The following OR51B5 variants were observed in gnomAD, a reference collection of about 807,000 sequenced individuals.
OR51B5 encodes the protein olfactory receptor family 51 subfamily B member 5.
For missense variants in OR51B5, 456 were observed against 374.6 expected, an observed-to-expected ratio of 1.22 and a Z score of -1.79; for synonymous variants, 186 against 144.8, an observed-to-expected ratio of 1.28 and a Z score of -2.04.
rs1377339404 is a variant in OR51B5 at position 5,373,098 on chromosome 11, G to T, written n.85-26188C>A. On this transcript the variant is annotated intron_variant and non_coding_transcript_variant, in intron 1 of 4. Transcript: ENST00000415970. ...TAGTCTCCTCAACAAATAGTGTTGG[G>T]AAAACTGGATATCCAAATGCAAAAG... 2.6e-5 allele frequency among the ~76,000 whole-genome samples: 4 copies of T among 152,254 alleles called. No homozygotes were observed. In the South Asian group the frequency reaches 8.3e-4, roughly 32 times the overall value.
At chr11:5,377,811 A>C (rs1365077558) in intron 1 of OR51B5, among the ~76,000 whole-genome samples, 1 of 152,124 alleles carries the variant, frequency 6.6e-6, no homozygotes, top group African/African-American at 2.4e-5. Flanking sequence ...GAAATAAAAG[A>C]AGATACAAAC....
Position 5,351,514 on chromosome 11 carries a change from C to T in OR51B5, n.85-4604G>A, listed in dbSNP as rs903250587. The T allele has an allele frequency of 3.7e-6, 6 of 1,608,784 alleles. No homozygotes were observed. The African/African-American group carries it at 8.0e-5, about 22-fold the overall frequency. On this transcript the variant is annotated intron_variant and non_coding_transcript_variant, in intron 1 of 4. Coordinates refer to the OR51B5 transcript ENST00000415970. Reference sequence around the variant, plus strand: ...CCTCTTTGCAAAGCTGGCAATGGGGCTCAATAAGTCTGCTTCCACCTTCCA... The same window carrying T: ...CCTCTTTGCAAAGCTGGCAATGGGGTTCAATAAGTCTGCTTCCACCTTCCA...
intron 1 of OR51B5, among the ~76,000 whole-genome samples, chr11:5,397,620 A>C (rs1336436201): frequency 6.6e-6 from 1 of 151,802 alleles, no homozygotes; most frequent in African/African-American, 2.4e-5. Context: ...AAACTAGTTC[A>C]AACATTGTGG....
At chr11:5,449,939 T>C (rs1031633118) in intron 1 of OR51B5, among the ~76,000 whole-genome samples, 3 of 152,202 alleles carry the variant, frequency 2.0e-5, no homozygotes, top group African/African-American at 7.2e-5. Flanking sequence ...CTGTGGTCTT[T>C]AGACAGCCTT....
chr11:5,459,072 T>A (rs916998489), intron 1 of OR51B5, among the ~76,000 whole-genome samples: 8 of 152,218 alleles, frequency 5.3e-5, no homozygotes, highest in African/African-American at 1.9e-4. Context: ...CCATTTAGTA[T>A]GATGTTGGCT....
chr11:5,416,956 G>A (rs1210883465), intron 1 of OR51B5, among the ~76,000 whole-genome samples: 1 of 146,924 alleles, frequency 6.8e-6, no homozygotes, highest in African/African-American at 2.5e-5. Context: ...CCAAAAAAGA[G>A]CCCGCATCGC....
intron 1 of OR51B5, among the ~76,000 whole-genome samples, chr11:5,486,309 C>T (rs1315727539): frequency 6.6e-6 from 1 of 152,038 alleles, no homozygotes; most frequent in East Asian, 1.9e-4. Context: ...ATTTTGTTTG[C>T]TATTTATCTG....
intron 1 of OR51B5, chr11:5,431,103 T>C (rs1005786056): frequency 2.4e-6 from 1 of 425,290 alleles, no homozygotes; most frequent in Admixed American, 2.5e-5. Context: ...AATAGGGCAG[T>C]TGCCTCAAAA....
chr11:5,449,113 G>C lies in OR51B5; in HGVS notation n.84+56456C>G, dbSNP rs901740574. Among the ~76,000 whole-genome samples, 10 of 152,304 alleles carry C rather than the reference G, an allele frequency of 6.6e-5. No individual in the cohort carries two copies. The East Asian group carries it at 1.5e-3, about 24-fold the overall frequency. ...CCTGTCTATCACTAGAAGATGTTTT[G>C]AGTGGAGCAGAGAATTGGTCTGACA... On this transcript the variant is annotated intron_variant and non_coding_transcript_variant, in intron 1 of 4. Transcript: ENST00000415970.
intron 1 of OR51B5, chr11:5,489,329 T>C: frequency 1.9e-6 from 3 of 1,614,106 alleles, no homozygotes; most frequent in Non-Finnish European, 2.5e-6. Flanking sequence ...GTGGCTCTGC[T>C]GGCCATGGGA....
chr11:5,390,265 C>T, intron 1 of OR51B5: 1 of 1,613,968 alleles, frequency 6.2e-7, no homozygotes, highest in Non-Finnish European at 8.5e-7. Context: ...TTCTTATGGC[C>T]AATGTCTACC....
intron 1 of OR51B5, among the ~76,000 whole-genome samples, chr11:5,491,635 A>G (rs182044939): frequency 7.2e-5 from 11 of 152,348 alleles, no homozygotes; most frequent in East Asian, 1.9e-4. Context: ...GCCCTTACAA[A>G]TAAGTCAGGC....
At chr11:5,424,626 G>A (rs925389474) in intron 1 of OR51B5, among the ~76,000 whole-genome samples, 13 of 151,956 alleles carry the variant, frequency 8.6e-5, no homozygotes, top group Non-Finnish European at 1.5e-4. Context: ...GTTATTTAGG[G>A]TTGAAGGCAG....
In OR51B5 at chr11:5,357,457, A is replaced by C. The variant is rs547740946; in HGVS notation, n.85-10547T>G. 2.0e-5 allele frequency among the ~76,000 whole-genome samples: 3 copies of C among 152,034 alleles called. No individual in the cohort carries two copies. In the South Asian group the frequency reaches 6.2e-4, roughly 32 times the overall value. On this transcript the variant is annotated intron_variant and non_coding_transcript_variant, in intron 1 of 4. Transcript: ENST00000415970. ...TAAACATATATGCACCCAATACAGGAACACCCAGGTTCATAAAGCAAGTCC... is the reference window on the plus strand; with the variant it reads ...TAAACATATATGCACCCAATACAGGCACACCCAGGTTCATAAAGCAAGTCC...
At chr11:5,364,650 C>T (rs11607365) in intron 1 of OR51B5, among the ~76,000 whole-genome samples, 16,864 of 145,930 alleles carry the variant, frequency 0.12, 1,060 homozygotes, top group South Asian at 0.17. Flanking sequence ...TCCTCATGTG[C>T]ATCTCTGAAT....
intron 1 of OR51B5, chr11:5,423,015 C>T: frequency 6.2e-7 from 1 of 1,614,120 alleles, no homozygotes; most frequent in Non-Finnish European, 8.5e-7. Flanking sequence ...CATGCCTCTC[C>T]ACTGGTCCAT....
At chr11:5,439,489 A>T (rs1850642614) in intron 1 of OR51B5, among the ~76,000 whole-genome samples, 1 of 152,204 alleles carries the variant, frequency 6.6e-6, no homozygotes, top group Admixed American at 6.5e-5. Context: ...CCGTTTGTCT[A>T]AACAGTTATC....
At chr11:5,437,349 C>T (rs1850607807) in intron 1 of OR51B5, among the ~76,000 whole-genome samples, 1 of 152,098 alleles carries the variant, frequency 6.6e-6, no homozygotes, top group Admixed American at 6.5e-5. Flanking sequence ...TTCCAGAGCT[C>T]ACATCTCAGA....
intron 1 of OR51B5, among the ~76,000 whole-genome samples, chr11:5,382,528 GCTGTTATACTGTC>G (rs1298182840): frequency 6.6e-6 from 1 of 152,128 alleles, no homozygotes; most frequent in African/African-American, 2.4e-5. Context: ...CAGCATTGTT[GCTGTTATACTGTC>G]CTTGGCTAGG....
Sources: gnomAD v4.1 joint callset for allele counts (sites outside exome capture counted in the v4.1 genomes callset) on GRCh38, gnomAD v4.1.1 for gene constraint, MANE v1.5 for transcripts, NCBI Gene and HGNC (gene_info 2026-07-23, HGNC 2026-07-21) for gene names.